Variants in DCAF12 observed in about 807,000 individuals in gnomAD.
The protein encoded by DCAF12 is DDB1- and CUL4-associated factor 12.
In DCAF12, 28 loss-of-function variants were observed where a neutral mutation model predicts 52.8. The observed-to-expected ratio is 0.53, with a 90% CI of 0.39 to 0.73. The LOEUF (loss-of-function observed/expected upper bound fraction) is 0.73. Among genes scored for constraint, DCAF12 ranks in the 30% least tolerant of loss-of-function variants. DCAF12 has a pLI of 0.00. For synonymous variants in DCAF12, 196 were observed against 215.5 expected, an observed-to-expected ratio of 0.91 and a Z score of 0.79; for missense variants, 425 against 552.2, an observed-to-expected ratio of 0.77 and a Z score of 2.31.
At chr9:34,096,642 G>C in intron 6 of DCAF12, 74 bp downstream of exon 6, 1 of 1,310,572 alleles carries the variant, frequency 7.6e-7, no homozygotes, top group Non-Finnish European at 1.1e-6. Context: ...TGAAAAAAAA[G>C]CTCAGCTAGA....
chr9:34,095,931 A>G (rs1828728220), intron 6 of DCAF12: 1 of 152,172 alleles, frequency 6.6e-6, no homozygotes, highest in African/African-American at 2.4e-5. Flanking sequence ...CCTCTCAGGA[A>G]GCTTATGCAA....
intron 7 of DCAF12, among the ~76,000 whole-genome samples, chr9:34,092,841 C>G (rs1372495805): frequency 6.6e-6 from 1 of 152,036 alleles, no homozygotes. Context: ...TTGTGTCACT[C>G]CCCCCACACC....
chr9:34,107,901 C>T (rs1311395360), intron 2 of DCAF12, among the ~76,000 whole-genome samples: 1 of 152,184 alleles, frequency 6.6e-6, no homozygotes, highest in Non-Finnish European at 1.5e-5. Flanking sequence ...TCAGTTTGGT[C>T]ATATTTTATA....
intron 4 of DCAF12, among the ~76,000 whole-genome samples, chr9:34,099,670 T>C (rs1034609510): frequency 6.6e-6 from 1 of 151,980 alleles, no homozygotes; most frequent in Non-Finnish European, 1.5e-5. Flanking sequence ...CTCGGCTCAC[T>C]GCAACCACCA....
chr9:34,102,299 A>G (rs1828841167), intron 4 of DCAF12, among the ~76,000 whole-genome samples: 1 of 151,860 alleles, frequency 6.6e-6, no homozygotes, highest in South Asian at 2.1e-4. Flanking sequence ...AAAAAAGAAT[A>G]ATGACTGTTT....
rs1322202477 is a variant in DCAF12 at position 34,089,313 on chromosome 9, A to AAAGTATG, written c.1203+92_1203+98dup. ...CCAATGAGTGCCTCTTACTAGTGAA[A>AAAGTATG]AAGTATGAGTAGATGGTGTGTCAGT... On this transcript the variant is annotated intron_variant, in intron 8 of 8. Transcript: ENST00000361264. The AAAGTATG allele has an allele frequency of 3.7e-6, 5 of 1,339,750 alleles. No homozygotes were observed. In the African/African-American group the frequency reaches 7.4e-5, roughly 20 times the overall value. The allele number at this position is 1,339,750 out of a possible 1,614,324, so 83.0% of individuals were successfully genotyped here. A position where few individuals can be genotyped will look rare whatever the true frequency, so the allele number is the denominator to read the frequency against.
chr9:34,123,092 C>T (rs192182524), intron 2 of DCAF12, among the ~76,000 whole-genome samples: 1 of 152,274 alleles, frequency 6.6e-6, no homozygotes, highest in Admixed American at 6.5e-5. Flanking sequence ...AGTGGCTATC[C>T]TTGCTGTTAC....
intron 5 of DCAF12, 75 bp from the exon 6 acceptor site, chr9:34,096,856 C>A: frequency 7.1e-7 from 1 of 1,405,106 alleles, no homozygotes. Flanking sequence ...GGCGAGGATT[C>A]TAAGGTCAGG....
chr9:34,099,425 T>C (rs1253399441), intron 4 of DCAF12, among the ~76,000 whole-genome samples: 2 of 151,726 alleles, frequency 1.3e-5, no homozygotes, highest in East Asian at 3.9e-4. Context: ...AGAGATTGGG[T>C]TTCACCATAT....
intron 2 of DCAF12, among the ~76,000 whole-genome samples, chr9:34,120,788 A>G (rs1829162137): frequency 6.6e-6 from 1 of 152,074 alleles, no homozygotes. Flanking sequence ...TCAACATCAG[A>G]CAAGGCCACT....
chr9:34,105,999 C>A (rs377530676), intron 4 of DCAF12, among the ~76,000 whole-genome samples: 1 of 152,090 alleles, frequency 6.6e-6, no homozygotes, highest in Admixed American at 6.6e-5. Context: ...CCACCCACCT[C>A]GGCCTCCCAA....
chr9:34,118,362 G>T (rs1344847631), intron 2 of DCAF12, among the ~76,000 whole-genome samples: 1 of 152,090 alleles, frequency 6.6e-6, no homozygotes, highest in Non-Finnish European at 1.5e-5. Flanking sequence ...TCGAACTCCT[G>T]GCCTCAAGTG....
In DCAF12 at chr9:34,107,348, G is replaced by C; in HGVS notation, c.540+11C>G. ...AGGCTCCCTCCAACTACAACTACTG[G>C]GAAAACTTACATCTCCTACACACAC... On this transcript the variant is annotated intron_variant, in intron 3 of 8. Coordinates refer to ENST00000361264, the MANE Select transcript of DCAF12 (RefSeq NM_015397.4). 6.2e-7 allele frequency: 1 copy of C among 1,613,408 alleles called. No individual in the cohort carries two copies. Among genetic ancestry groups the C allele is most frequent in the Non-Finnish European group, 8.5e-7 (1 of 1,179,586 alleles).
chr9:34,096,033 G>A (rs1413189630), intron 6 of DCAF12: 1 of 152,098 alleles, frequency 6.6e-6, no homozygotes, highest in Admixed American at 6.6e-5. Flanking sequence ...GCAAAAACAT[G>A]CCCAGGCCTT....
intron 2 of DCAF12, among the ~76,000 whole-genome samples, chr9:34,110,530 C>T (rs1828981679): frequency 6.6e-6 from 1 of 152,146 alleles, no homozygotes; most frequent in Non-Finnish European, 1.5e-5. Context: ...CTTCCCATGC[C>T]AGTCCCCAAC....
rs1829250049 is a variant in DCAF12 at position 34,126,365 on chromosome 9, G to A, written c.67C>T (p.Gln23Ter). Residue 23 changes from glutamine (Q) to a stop codon, truncating the protein, a stop_gained, in exon 1 of 9, where the codon CAG becomes TAG. Coordinates refer to ENST00000361264, the MANE Select transcript of DCAF12 (RefSeq NM_015397.4). LOFTEE classifies it high-confidence loss of function. ...PASPGAGSDAQGPQFGWDHSL... is the reference protein window; with the variant it reads ...PASPGAGSDA ...CTCTCAACCCTCACCTGCGGGCCCT[G>A]AGCGTCGCTCCCAGCTCCCGGCGAG... The A allele has an allele frequency of 6.2e-7, 1 of 1,612,416 alleles. No homozygotes were observed.
At chr9:34,102,983 G>A (rs993428063) in intron 4 of DCAF12, among the ~76,000 whole-genome samples, 2 of 149,434 alleles carry the variant, frequency 1.3e-5, no homozygotes, top group African/African-American at 4.9e-5. Context: ...GGACAGGGGT[G>A]GGGTGCTGAG....
Position 34,087,133 on chromosome 9 carries a change from G to A in DCAF12, c.*1217C>T, listed in dbSNP as rs1220942726. On this transcript the variant is annotated 3_prime_UTR_variant, in exon 9 of 9. Coordinates refer to ENST00000361264, the MANE Select transcript of DCAF12 (RefSeq NM_015397.4). Reference sequence around the variant, plus strand: ...CACATGCACAATGATGCTGACTGCAGGCCAGCCTGTCACCATCTCAGGGCT... The same window carrying A: ...CACATGCACAATGATGCTGACTGCAAGCCAGCCTGTCACCATCTCAGGGCT... 6.6e-6 allele frequency: 1 copy of A among 152,210 alleles called. No homozygotes were observed. Among genetic ancestry groups the A allele is most frequent in the East Asian group, 1.9e-4 (1 of 5,204 alleles). 9.4% of individuals were successfully genotyped at this position (152,210 alleles called of 1,614,324 possible). A position where few individuals can be genotyped will look rare whatever the true frequency, so the allele number is the denominator to read the frequency against.
chr9:34,113,342 G>A (rs952942438), intron 2 of DCAF12, among the ~76,000 whole-genome samples: 2 of 152,050 alleles, frequency 1.3e-5, no homozygotes, highest in Non-Finnish European at 2.9e-5. Context: ...ATGGGCCACT[G>A]TACGCGGCCT....
Sources: gnomAD v4.1 joint callset for allele counts (sites outside exome capture counted in the v4.1 genomes callset) on GRCh38, gnomAD v4.1.1 for gene constraint, MANE v1.5 for transcripts, NCBI Gene and HGNC (gene_info 2026-07-23, HGNC 2026-07-21) for gene names.